GPR158: variants seen among roughly 807,000 people sequenced by gnomAD.
GPR158 encodes metabotropic glycine receptor.
In GPR158, 30 loss-of-function variants were observed where a neutral mutation model predicts 78.2. That is an observed-to-expected ratio of 0.38 (90% CI 0.29 to 0.52). The LOEUF (loss-of-function observed/expected upper bound fraction) is 0.52. Ranked by LOEUF, GPR158 falls within the 20% of genes least tolerant of loss-of-function variation. The pLI is 0.83. For missense variants in GPR158, 1,463 were observed against 1,523.5 expected (o/e 0.96, Z 0.66); for synonymous variants, 581 against 591.1 (o/e 0.98, Z 0.25).
intron 2 of GPR158, among the ~76,000 whole-genome samples, chr10:25,340,749 A>T (rs1855290926): frequency 1.3e-5 from 2 of 152,042 alleles, no homozygotes. Flanking sequence ...GAGAAATTAC[A>T]ATCTATGTGT....
chr10:25,449,473 A>G (rs1835185081), intron 4 of GPR158, among the ~76,000 whole-genome samples: 1 of 152,210 alleles, frequency 6.6e-6, no homozygotes, highest in African/African-American at 2.4e-5. Context: ...TCTAGTTGTG[A>G]TAAGTGTGAC....
At chr10:25,241,223 TTTTCTTTCC>T (rs754234381) in intron 2 of GPR158, among the ~76,000 whole-genome samples, 1,296 of 95,234 alleles carry the variant, frequency 0.014, 42 homozygotes, top group Non-Finnish European at 0.017. Context: ...TTTCTTTCCT[TTTTCTTTCC>T]TTTCTTTCCT....
chr10:25,186,673 G>C lies in GPR158; in HGVS notation c.902+10351G>C, dbSNP rs553961711. Among the ~76,000 whole-genome samples, 12 of 152,198 alleles carry C rather than the reference G, an allele frequency of 7.9e-5. No individual in the cohort carries two copies. The South Asian group carries it at 8.3e-4, about 11-fold the overall frequency. On this transcript the variant is annotated intron_variant, in intron 1 of 10. Coordinates refer to ENST00000376351, the MANE Select transcript of GPR158 (RefSeq NM_020752.3). The stretch of plus-strand genomic sequence containing the variant: ...ATACACCCTCCCAAGATTAAACCAG[G>C]AAGAAGTTGAATCCCTGAATAGACC...
At chr10:25,269,912 A>T (rs1394566296) in intron 2 of GPR158, among the ~76,000 whole-genome samples, 1 of 152,118 alleles carries the variant, frequency 6.6e-6, no homozygotes, top group South Asian at 2.1e-4. Flanking sequence ...GAAGCTGTCA[A>T]TTATCTTATT....
intron 4 of GPR158, among the ~76,000 whole-genome samples, chr10:25,420,836 A>T (rs1276107407): frequency 6.6e-6 from 1 of 152,130 alleles, no homozygotes; most frequent in African/African-American, 2.4e-5. Context: ...GCCCCTCTTT[A>T]TGCCAGTACT....
intron 2 of GPR158, among the ~76,000 whole-genome samples, chr10:25,252,069 T>C (rs896003393): frequency 6.6e-6 from 1 of 152,138 alleles, no homozygotes; most frequent in African/African-American, 2.4e-5. Context: ...TCATTTCATC[T>C]TCCATTGCTG....
At chr10:25,572,072 T>C (rs1352510562) in intron 6 of GPR158, among the ~76,000 whole-genome samples, 8 of 152,196 alleles carry the variant, frequency 5.3e-5, no homozygotes, top group Non-Finnish European at 1.2e-4. Flanking sequence ...TAGTATAATA[T>C]TGTAAAATAC....
At chr10:25,534,966 G>A (rs1461765152) in intron 5 of GPR158, among the ~76,000 whole-genome samples, 1 of 152,204 alleles carries the variant, frequency 6.6e-6, no homozygotes, top group Non-Finnish European at 1.5e-5. Flanking sequence ...AGATGGGTTA[G>A]ACTCTGTTGG....
chr10:25,587,851 C>T (rs1179727319), intron 7 of GPR158, among the ~76,000 whole-genome samples: 1 of 152,160 alleles, frequency 6.6e-6, no homozygotes, highest in Admixed American at 6.5e-5. Flanking sequence ...GAAACTTTGG[C>T]AAGGAAAACA....
intron 1 of GPR158, among the ~76,000 whole-genome samples, chr10:25,189,383 C>T (rs558269993): frequency 6.6e-6 from 1 of 152,098 alleles, no homozygotes; most frequent in Non-Finnish European, 1.5e-5. Context: ...TGGAACCAAC[C>T]CAAAAATGTC....
chr10:25,207,581 C>A (rs531961997), intron 1 of GPR158, among the ~76,000 whole-genome samples: 14 of 152,042 alleles, frequency 9.2e-5, no homozygotes, highest in South Asian at 4.1e-4. Flanking sequence ...CTGTGAGAAT[C>A]GAATGCCACC....
chr10:25,435,356 G>T (rs1403516527), intron 4 of GPR158, among the ~76,000 whole-genome samples: 1 of 152,182 alleles, frequency 6.6e-6, no homozygotes, highest in African/African-American at 2.4e-5. Flanking sequence ...CTATTTAAAT[G>T]AGGTTGTTTC....
intron 1 of GPR158, among the ~76,000 whole-genome samples, chr10:25,195,775 GAATTTAT>G (rs1445644625): frequency 6.6e-6 from 1 of 152,050 alleles, no homozygotes; most frequent in Non-Finnish European, 1.5e-5. Context: ...AGGATATGTA[GAATTTAT>G]AATTTCTAAG....
chr10:25,192,249 A>G (rs1243339590), intron 1 of GPR158, among the ~76,000 whole-genome samples: 1 of 152,124 alleles, frequency 6.6e-6, no homozygotes, highest in African/African-American at 2.4e-5. Flanking sequence ...CCTTATGAAG[A>G]AGGTGCCTTG....
intron 2 of GPR158, among the ~76,000 whole-genome samples, chr10:25,333,328 T>C (rs1291006899): frequency 6.6e-6 from 1 of 152,210 alleles, no homozygotes; most frequent in Non-Finnish European, 1.5e-5. Flanking sequence ...AATGGCACGA[T>C]AGTTTGAATG....
intron 5 of GPR158, among the ~76,000 whole-genome samples, chr10:25,540,778 A>G (rs1309178374): frequency 1.4e-5 from 2 of 143,304 alleles, no homozygotes; most frequent in African/African-American, 2.5e-5. Context: ...AACATCACAC[A>G]CCGGGGCCTG....
At chr10:25,191,104 A>T (rs968428023) in intron 1 of GPR158, among the ~76,000 whole-genome samples, 19 of 152,344 alleles carry the variant, frequency 1.2e-4, no homozygotes, top group African/African-American at 4.1e-4. Flanking sequence ...CTGTCTTTCC[A>T]TGTTTATGAA....
At chr10:25,280,257 G>A (rs1854249359) in intron 2 of GPR158, among the ~76,000 whole-genome samples, 1 of 152,060 alleles carries the variant, frequency 6.6e-6, no homozygotes, top group South Asian at 2.1e-4. Context: ...GACATAGACA[G>A]TTTGAAAGAA....
In GPR158 at chr10:25,252,134, A is replaced by G. The variant is rs376298711; in HGVS notation, c.1008+30977A>G. On this transcript the variant is annotated intron_variant, in intron 2 of 10. Coordinates refer to ENST00000376351, the MANE Select transcript of GPR158 (RefSeq NM_020752.3). ...CTCCTGAGGCTTCTGCATTCTTCAC[A>G]TAGTTCTCGAGCCTTGGTTTTCAGC... Among the ~76,000 whole-genome samples, 13 of 151,892 alleles carry G rather than the reference A, an allele frequency of 8.6e-5. No individual in the cohort carries two copies. The South Asian group carries it at 1.3e-3, about 15-fold the overall frequency.
Sources: allele counts gnomAD v4.1 joint callset (sites outside exome capture counted in the v4.1 genomes callset), GRCh38; gene constraint gnomAD v4.1.1; transcripts MANE v1.5; gene names NCBI Gene and HGNC (gene_info 2026-07-23, HGNC 2026-07-21).